The following CABIN1 variants were observed in gnomAD, a reference collection of about 807,000 sequenced individuals.
CABIN1 encodes the protein calcineurin binding protein 1.
In CABIN1, 133 loss-of-function variants were observed where a neutral mutation model predicts 227.7. The ratio of observed to expected loss-of-function variants is 0.58; its 90% CI spans 0.51 to 0.67. The LOEUF (loss-of-function observed/expected upper bound fraction) is 0.67. Among genes scored for constraint, CABIN1 ranks in the 30% least tolerant of loss-of-function variants. The probability of loss-of-function intolerance (pLI) is 0.00; values close to 1 mark genes in which losing one functional copy is unlikely to be tolerated. For synonymous variants in CABIN1, 1,086 were observed against 1,155.1 expected (o/e 0.94, Z 1.21); for missense variants, 2,408 against 2,852.5 (o/e 0.84, Z 3.55).
chr22:24,160,432 G>C (rs1371218150), intron 29 of CABIN1: 1 of 152,276 alleles, frequency 6.6e-6, no homozygotes, highest in Non-Finnish European at 1.5e-5. Context: ...GTGACAGATA[G>C]AGCTGGGAAC....
At chr22:24,145,542 G>A (rs2045056274) in intron 29 of CABIN1, among the ~76,000 whole-genome samples, 4 of 152,194 alleles carry the variant, frequency 2.6e-5, no homozygotes, top group Admixed American at 2.6e-4. Context: ...GGGAAGCGGA[G>A]TACAAGAGGG....
intron 10 of CABIN1, 135 bp downstream of exon 10, chr22:24,056,495 G>GT: frequency 5.7e-6 from 5 of 881,824 alleles, no homozygotes; most frequent in Non-Finnish European, 9.0e-6. Context: ...CTGTGCAGAT[G>GT]TCTGAAGCAC....
intron 29 of CABIN1, among the ~76,000 whole-genome samples, chr22:24,163,497 G>A (rs930677436): frequency 3.3e-5 from 5 of 152,180 alleles, no homozygotes; most frequent in African/African-American, 9.7e-5. Flanking sequence ...CCCATGCCAA[G>A]GAGAAAGCAA....
At chr22:24,092,864 T>A (rs2041640928) in intron 24 of CABIN1, among the ~76,000 whole-genome samples, 1 of 152,160 alleles carries the variant, frequency 6.6e-6, no homozygotes, top group Non-Finnish European at 1.5e-5. Flanking sequence ...CATATAAACA[T>A]ATAGTAACAT....
At chr22:24,044,404 C>T (rs2037679479) in intron 6 of CABIN1, among the ~76,000 whole-genome samples, 1 of 152,088 alleles carries the variant, frequency 6.6e-6, no homozygotes, top group African/African-American at 2.4e-5. Context: ...TCTGAGATAC[C>T]TGATTAAATC....
At chr22:24,045,145 T>C (rs983732110) in intron 6 of CABIN1, among the ~76,000 whole-genome samples, 3 of 152,218 alleles carry the variant, frequency 2.0e-5, no homozygotes, top group Middle Eastern at 3.2e-3. Flanking sequence ...AGGATGTTCT[T>C]GATCTCCTGA....
intron 19 of CABIN1, among the ~76,000 whole-genome samples, chr22:24,082,999 A>G (rs1022428591): frequency 2.6e-4 from 39 of 152,252 alleles, no homozygotes; most frequent in African/African-American, 8.9e-4. Context: ...TAAACCCATC[A>G]GGAGGCTACT....
At chr22:24,130,036 G>A (rs2043980519) in intron 28 of CABIN1, among the ~76,000 whole-genome samples, 1 of 152,244 alleles carries the variant, frequency 6.6e-6, no homozygotes, top group African/African-American at 2.4e-5. Flanking sequence ...TAAGGTGCCT[G>A]TATGCTTCTA....
In CABIN1 at chr22:24,035,633, C is replaced by G. The variant is rs116201419; in HGVS notation, c.3+113C>G. On this transcript the variant is annotated intron_variant, in intron 2 of 36. Coordinates refer to ENST00000263119, the MANE Select transcript of CABIN1 (RefSeq NM_012295.4). ...TCTGAAGGCTCTTATTATGGAGTAG[C>G]CTTCCTCCCAGGAAGGCTGTTGGCA... is the stretch of plus-strand genomic sequence containing the variant. 2.3e-3 allele frequency: 3,117 copies of G among 1,372,880 alleles called. 57 individuals carry two copies. In the African/African-American group the frequency reaches 0.038, roughly 17 times the overall value. 85.0% of individuals were successfully genotyped at this position (1,372,880 alleles called of 1,614,324 possible). A position where few individuals can be genotyped will look rare whatever the true frequency, so the allele number is the denominator to read the frequency against.
At chr22:24,081,798 G>A (rs56366145) in intron 19 of CABIN1, among the ~76,000 whole-genome samples, 5 of 152,024 alleles carry the variant, frequency 3.3e-5, no homozygotes, top group Middle Eastern at 3.4e-3. Flanking sequence ...AGGCTGAGGC[G>A]GGTGGATCAC....
At chr22:24,038,022 A>T (rs2147007144) in intron 3 of CABIN1, among the ~76,000 whole-genome samples, 1 of 152,356 alleles carries the variant, frequency 6.6e-6, no homozygotes, top group South Asian at 2.1e-4. Flanking sequence ...GGGTGGATTC[A>T]CAGAGCTTCC....
chr22:24,060,263 G>T (rs1463837300), intron 12 of CABIN1, 122 bp downstream of exon 12: 15 of 961,256 alleles, frequency 1.6e-5, no homozygotes, highest in Non-Finnish European at 2.1e-5. Flanking sequence ...CTGGAACCTG[G>T]TTTTTTTGTG....
intron 29 of CABIN1, among the ~76,000 whole-genome samples, chr22:24,163,114 A>G (rs944666987): frequency 6.6e-6 from 1 of 152,130 alleles, no homozygotes; most frequent in Non-Finnish European, 1.5e-5. Flanking sequence ...TAGCCTCAGT[A>G]CCCTGGTTTT....
chr22:24,049,114 G>T lies in CABIN1; in HGVS notation c.550G>T (p.Ala184Ser). 2 of 1,614,090 alleles carry T rather than the reference G, an allele frequency of 1.2e-6. No homozygotes were observed. The highest frequency in any genetic ancestry group is 8.5e-7 in the Non-Finnish European group (1 of 1,180,016). Residue 184 changes from alanine (A) to serine (S), a missense_variant, in exon 7 of 37, where the codon GCT becomes TCT. Coordinates refer to ENST00000263119, the MANE Select transcript of CABIN1 (RefSeq NM_012295.4). ...AGCATGTCTGTACTTCATCTGCAAA[G>T]CTTTGGAGAAGGATTGCCGGTACAG... ...YTTCLYFICK[A>S]LEKDCRYSKG...
At chr22:24,170,678 A>G (rs2046748199) in intron 33 of CABIN1, among the ~76,000 whole-genome samples, 1 of 150,830 alleles carries the variant, frequency 6.6e-6, no homozygotes, top group Non-Finnish European at 1.5e-5. Flanking sequence ...GTCCTGAACC[A>G]TGTGGAATTG....
intron 29 of CABIN1, among the ~76,000 whole-genome samples, chr22:24,151,157 G>A (rs373020308): frequency 4.2e-4 from 64 of 152,192 alleles, no homozygotes; most frequent in African/African-American, 1.5e-3. Flanking sequence ...TCGTGGTCAG[G>A]CTAACCCATG....
intron 18 of CABIN1, among the ~76,000 whole-genome samples, chr22:24,073,681 G>C (rs575033465): frequency 6.6e-6 from 1 of 152,260 alleles, no homozygotes; most frequent in East Asian, 1.9e-4. Context: ...CATGGGTGTG[G>C]GTGTGGGTTG....
intron 28 of CABIN1, among the ~76,000 whole-genome samples, chr22:24,132,590 T>A (rs2044140152): frequency 1.3e-5 from 2 of 152,124 alleles, no homozygotes; most frequent in South Asian, 2.1e-4. Flanking sequence ...TTTGCTTTGT[T>A]ATTTTTTTGT....
chr22:24,119,277 C>T, intron 27 of CABIN1, 90 bp from the exon 28 acceptor site: 1 of 1,143,398 alleles, frequency 8.7e-7, no homozygotes, highest in Non-Finnish European at 1.3e-6. Flanking sequence ...CTGATCACTT[C>T]ACCAAGGCGC....
Sources: allele counts gnomAD v4.1 joint callset (sites outside exome capture counted in the v4.1 genomes callset), GRCh38; gene constraint gnomAD v4.1.1; transcripts MANE v1.5; gene names NCBI Gene and HGNC (gene_info 2026-07-23, HGNC 2026-07-21).